HOMER2: variants seen among roughly 807,000 people sequenced by gnomAD.
HOMER2 encodes the protein homer scaffold protein 2.
HOMER2 carries 27 observed loss-of-function variants against 47.0 expected under a neutral mutation model. The observed-to-expected ratio is 0.57, with a 90% CI of 0.42 to 0.79. The LOEUF (loss-of-function observed/expected upper bound fraction) is 0.79, where lower values mean the gene tolerates loss of function less well. Among genes scored for constraint, HOMER2 ranks in the 30% least tolerant of loss-of-function variants. HOMER2 has a pLI of 0.00. For synonymous variants in HOMER2, 161 were observed against 163.8 expected (o/e 0.98, Z 0.13); for missense variants, 443 against 435.0 (o/e 1.02, Z -0.16).
At chr15:82,844,516 T>C (rs1393895286), downstream of HOMER2, 1 of 152,184 alleles carries the variant, frequency 6.6e-6, no homozygotes, top group Admixed American at 6.5e-5. Context: ...TATGATTATA[T>C]TTCATGGAAA....
chr15:82,861,509 T>C (rs573738091), intron 4 of HOMER2, among the ~76,000 whole-genome samples: 10 of 152,346 alleles, frequency 6.6e-5, no homozygotes, highest in African/African-American at 2.4e-4. Context: ...AGGTAGATGA[T>C]TTTTATTTCC....
chr15:82,972,692 A>G (rs776376885), intron 1 of HOMER2, among the ~76,000 whole-genome samples: 2 of 152,196 alleles, frequency 1.3e-5, no homozygotes, highest in Non-Finnish European at 2.9e-5. Flanking sequence ...TAAAAAAAAA[A>G]GAAAGAAAGA....
At chr15:82,873,653 G>A (rs1368695526) in intron 3 of HOMER2, among the ~76,000 whole-genome samples, 1 of 152,224 alleles carries the variant, frequency 6.6e-6, no homozygotes, top group Non-Finnish European at 1.5e-5. Context: ...AGGCCCTGGT[G>A]ATCTGGAGGT....
At chr15:82,873,889 G>A (rs1465087477) in intron 3 of HOMER2, among the ~76,000 whole-genome samples, 2 of 152,228 alleles carry the variant, frequency 1.3e-5, no homozygotes, top group Non-Finnish European at 2.9e-5. Flanking sequence ...TTAGAAGTGT[G>A]TGTGCGTGCA....
chr15:82,928,347 C>A (rs544752535), intron 1 of HOMER2, among the ~76,000 whole-genome samples: 1 of 152,266 alleles, frequency 6.6e-6, no homozygotes, highest in African/African-American at 2.4e-5. Context: ...GTTTCTGTTT[C>A]CGCCATGCAA....
rs181677433 is a variant in HOMER2, at chr15:82,899,203, C to T, written c.6-6362G>A. ...TTTCCTTCTAGAACTTCTGAATCAT[C>T]TGTACTTTCACACATCCCAGCCAAT... On this transcript the variant is annotated intron_variant, in intron 1 of 8. Transcript: ENST00000450735. Among the ~76,000 whole-genome samples, 1,722 of 152,382 alleles carry T rather than the reference C, an allele frequency of 0.011. 128 individuals carry two copies. The South Asian group carries it at 0.22, about 20-fold the overall frequency.
At chr15:82,985,186 T>C (rs1379049456) in intron 1 of HOMER2, among the ~76,000 whole-genome samples, 1 of 152,208 alleles carries the variant, frequency 6.6e-6, no homozygotes, top group Non-Finnish European at 1.5e-5. Flanking sequence ...TACCACTGAC[T>C]GAGGGAGAAT....
At chr15:82,864,420 C>T (rs2051896819) in intron 3 of HOMER2, among the ~76,000 whole-genome samples, 161 bp from the exon 4 acceptor site, 1 of 152,088 alleles carries the variant, frequency 6.6e-6, no homozygotes, top group Non-Finnish European at 1.5e-5. Flanking sequence ...ATGTATATTC[C>T]AGTAAACAGC....
exon 2 of HOMER2, chr15:82,841,191 C>T (rs1043733972): frequency 6.6e-6 from 1 of 152,000 alleles, no homozygotes; most frequent in Non-Finnish European, 1.5e-5. Flanking sequence ...TATGGACCAA[C>T]CAATCATAAA....
At chr15:82,898,420 G>C (rs2053007124) in intron 1 of HOMER2, 1 of 152,214 alleles carries the variant, frequency 6.6e-6, no homozygotes, top group South Asian at 2.1e-4. Context: ...TCCTTCCTTT[G>C]ATGTTCAATG....
intron 2 of HOMER2, among the ~76,000 whole-genome samples, chr15:82,891,059 C>T (rs1375726732): frequency 1.3e-5 from 2 of 152,146 alleles, no homozygotes; most frequent in Non-Finnish European, 2.9e-5. Context: ...CCTGGGGATG[C>T]GCTATCATCC....
At chr15:82,906,944 G>A (rs1265203695) in intron 1 of HOMER2, among the ~76,000 whole-genome samples, 4 of 152,222 alleles carry the variant, frequency 2.6e-5, no homozygotes, top group Non-Finnish European at 5.9e-5. Context: ...TAACCTTAAT[G>A]TGTATGTGCC....
chr15:82,859,101 G>A lies in HOMER2; in HGVS notation c.422C>T (p.Ala141Val), dbSNP rs564002461. 1.2e-6 allele frequency: 2 copies of A among 1,613,972 alleles called. No individual in the cohort carries two copies. Among genetic ancestry groups the A allele is most frequent in the African/African-American group, 2.7e-5 (2 of 75,052 alleles). The change falls in exon 5 of 9, where the codon GCC becomes GTC. Residue 141 changes from alanine (A) to valine (V), a missense_variant. Physicochemically the swap from Ala to Val is moderately conservative, Grantham distance 64. Coordinates refer to ENST00000450735, the MANE Select transcript of HOMER2 (RefSeq NM_004839.4). ...TGTGTTGGCTGGACCGGCGTGAGAG[G>A]CCTTTTCATCGTCCGTCCCGTTGAC... Reference protein sequence around the residue: ...SSVNGTDDEKASHAGPANTHL... With the variant: ...SSVNGTDDEKVSHAGPANTHL...
At chr15:82,948,773 A>C (rs752905894) in intron 1 of HOMER2, among the ~76,000 whole-genome samples, 16 of 152,254 alleles carry the variant, frequency 1.1e-4, no homozygotes, top group Non-Finnish European at 2.1e-4. Context: ...AGCAGAACAC[A>C]GTGAGGGGCA....
At chr15:82,891,490 C>T (rs148500660) in intron 2 of HOMER2, among the ~76,000 whole-genome samples, 3 of 152,274 alleles carry the variant, frequency 2.0e-5, no homozygotes, top group South Asian at 2.1e-4. Flanking sequence ...CTGAAGAGAT[C>T]GGGAGGCACC....
chr15:82,845,428 C>G (rs534827692), downstream of HOMER2: 47 of 152,286 alleles, frequency 3.1e-4, no homozygotes, highest in Admixed American at 2.9e-3. Flanking sequence ...CTAGACTAGA[C>G]AGGAGTCCCT....
At chr15:82,928,108 T>C (rs1287396629) in intron 1 of HOMER2, among the ~76,000 whole-genome samples, 1 of 152,036 alleles carries the variant, frequency 6.6e-6, no homozygotes, top group Non-Finnish European at 1.5e-5. Context: ...TTGGCAGTGG[T>C]TTCTCTGCTA....
At chr15:82,836,736 TTC>T (rs1245581919), downstream of HOMER2, among the ~76,000 whole-genome samples, 2 of 152,224 alleles carry the variant, frequency 1.3e-5, no homozygotes, top group Non-Finnish European at 2.9e-5. Context: ...TGTTCGTCCA[TTC>T]TCTCTTCAGA....
chr15:82,858,881 C>T, intron 5 of HOMER2, 148 bp downstream of exon 5: 1 of 878,978 alleles, frequency 1.1e-6, no homozygotes, highest in Non-Finnish European at 1.7e-6. Flanking sequence ...AGCCAGCTGG[C>T]CTTCCTTTCA....
Sources: allele counts gnomAD v4.1 joint callset (sites outside exome capture counted in the v4.1 genomes callset), GRCh38; gene constraint gnomAD v4.1.1; transcripts MANE v1.5; gene names NCBI Gene and HGNC (gene_info 2026-07-23, HGNC 2026-07-21).